RECQL: variants seen among roughly 807,000 people sequenced by gnomAD.
RECQL encodes RecQ like helicase, also known as ATP-dependent DNA helicase Q1.
RECQL carries 73 observed loss-of-function variants against 75.8 expected under a neutral mutation model. That is an observed-to-expected ratio of 0.96 (90% CI 0.80 to 1.17). RECQL has a LOEUF of 1.17. Among genes scored for constraint, RECQL ranks in the 50% most tolerant of loss-of-function variants. The pLI is 0.00. For synonymous variants in RECQL, 248 were observed against 254.4 expected, an observed-to-expected ratio of 0.97 and a Z score of 0.24; for missense variants, 699 against 772.1, an observed-to-expected ratio of 0.91 and a Z score of 1.12.
intron 2 of RECQL, 41 bp downstream of exon 2, chr12:21,499,508 CAGAAAT>C (rs746883679): frequency 6.8e-7 from 1 of 1,475,344 alleles, no homozygotes; most frequent in East Asian, 2.4e-5. Context: ...ATCATACAAA[CAGAAAT>C]AGAACAGAAG....
chr12:21,475,790 T>A lies in RECQL; in HGVS notation c.984A>T (p.Glu328Asp). 6.2e-7 allele frequency: 1 copy of A among 1,613,004 alleles called. No individual in the cohort carries two copies. The highest frequency in any genetic ancestry group is 8.5e-7 in the Non-Finnish European group (1 of 1,179,242). ...GATTCTGCAAACTAACCGTAACTTG[T>A]TCAGAGTCTTTCTGAGAAAAACAAT... Reference protein sequence around the residue: ...IIYCFSQKDSEQVTVSLQNLG... With the variant: ...IIYCFSQKDSDQVTVSLQNLG... Residue 328 changes from glutamate to aspartate, a missense_variant, in exon 9 of 15, where the codon GAA becomes GAT. Coordinates refer to ENST00000444129, the MANE Select transcript of RECQL (RefSeq NM_002907.4).
intron 8 of RECQL, 107 bp downstream of exon 8, chr12:21,476,804 T>C: frequency 1.8e-6 from 1 of 556,446 alleles, no homozygotes; most frequent in East Asian, 3.2e-5. Context: ...CTGCTATACA[T>C]TAATTTTTTT....
At chr12:21,496,171 T>A (rs1943504865) in intron 2 of RECQL, among the ~76,000 whole-genome samples, 1 of 152,242 alleles carries the variant, frequency 6.6e-6, no homozygotes, top group African/African-American at 2.4e-5. Context: ...CGCATTCAAC[T>A]CACCTATGTG....
intron 2 of RECQL, among the ~76,000 whole-genome samples, chr12:21,494,231 A>C (rs1943464069): frequency 6.6e-6 from 1 of 152,072 alleles, no homozygotes; most frequent in Non-Finnish European, 1.5e-5. Flanking sequence ...AGGGCACCAA[A>C]CCATTCATGA....
At chr12:21,471,258 GTTAC>G (rs1409297308) in intron 13 of RECQL, 160 bp from the exon 14 acceptor site, 10 of 988,530 alleles carry the variant, frequency 1.0e-5, no homozygotes, top group Non-Finnish European at 2.8e-6. Context: ...AAATATTTTC[GTTAC>G]TTTTTTTTAT....
chr12:21,483,412 G>A lies in RECQL; in HGVS notation c.664C>T (p.His222Tyr). Reference protein sequence around the residue: ...RFTRIAVDEVHCCSQWGHDFR... With the variant: ...RFTRIAVDEVYCCSQWGHDFR... ...TCATGTCCCCACTGACTACAGCAGT[G>A]AACTTCATCCACAGCAATTCGAGTA... is the stretch of plus-strand genomic sequence containing the variant. Residue 222 changes from histidine to tyrosine, a missense_variant, in exon 6 of 15, where the codon CAC becomes TAC. By Grantham distance (83) the His-to-Tyr change is moderately conservative. Transcript: ENST00000444129. 1 of 1,605,398 alleles carries A rather than the reference G, an allele frequency of 6.2e-7. No individual in the cohort carries two copies. Among genetic ancestry groups the A allele is most frequent in the African/African-American group, 1.3e-5 (1 of 74,364 alleles).
Position 21,474,831 on chromosome 12 carries a change from T to G in RECQL, c.1355+10A>C, listed in dbSNP as rs770134954. 1 of 1,611,148 alleles carries G rather than the reference T, an allele frequency of 6.2e-7. No individual in the cohort carries two copies. The highest frequency in any genetic ancestry group is 1.1e-5 in the South Asian group (1 of 90,888). ...AATTGATAAAAGTTATAAAAAGGTA[T>G]GTGGCTTACTTGCTTATGTTTTGAC... On this transcript the variant is annotated intron_variant, in intron 11 of 14. Transcript: ENST00000444129.
At chr12:21,501,012 C>G (rs1190429881) in intron 1 of RECQL, among the ~76,000 whole-genome samples, 158 bp downstream of exon 1, 4 of 152,140 alleles carry the variant, frequency 2.6e-5, no homozygotes, top group Non-Finnish European at 5.9e-5. Flanking sequence ...GACAGCCAGT[C>G]ATCAATGTTG....
At chr12:21,490,441 T>G (rs1217578894) in intron 3 of RECQL, 63 bp from the exon 4 acceptor site, 8 of 1,092,676 alleles carry the variant, frequency 7.3e-6, no homozygotes, top group Non-Finnish European at 9.5e-6. Flanking sequence ...TTGATAAGAA[T>G]GAGACAAACA....
intron 11 of RECQL, 78 bp from the exon 12 acceptor site, chr12:21,473,720 T>C: frequency 1.7e-6 from 2 of 1,181,770 alleles, no homozygotes; most frequent in Non-Finnish European, 2.4e-6. Flanking sequence ...CTTACATAGT[T>C]ATATACTGTA....
intron 14 of RECQL, 177 bp from the exon 15 acceptor site, chr12:21,470,523 A>G: frequency 1.0e-6 from 1 of 1,002,246 alleles, no homozygotes; most frequent in Non-Finnish European, 1.4e-6. Flanking sequence ...ATTTTGAATA[A>G]AAGGGGCTAC....
intron 5 of RECQL, among the ~76,000 whole-genome samples, chr12:21,485,875 A>G (rs1378993364): frequency 6.6e-6 from 1 of 152,178 alleles, no homozygotes; most frequent in African/African-American, 2.4e-5. Context: ...TTTTTAAAAA[A>G]GAATAGCTGG....
At chr12:21,478,090 C>T (rs1943120960) in intron 6 of RECQL, 121 bp from the exon 7 acceptor site, 1 of 957,910 alleles carries the variant, frequency 1.0e-6, no homozygotes, top group Non-Finnish European at 1.5e-6. Context: ...CCATCTATAG[C>T]AGTAAATTTG....
chr12:21,488,658 G>A (rs1443945319), intron 4 of RECQL, among the ~76,000 whole-genome samples: 1 of 152,218 alleles, frequency 6.6e-6, no homozygotes. Flanking sequence ...ACTTGTCCAA[G>A]CCTAAAATTT....
In RECQL at chr12:21,471,570, T is replaced by A. The variant is rs199925437; in HGVS notation, c.1525A>T (p.Lys509Ter). The change falls in exon 13 of 15, where the codon AAA becomes TAA. Residue 509 changes from lysine (K) to a stop codon, truncating the protein, a stop_gained. Transcript: ENST00000444129. LOFTEE classifies it high-confidence loss of function. ...TCAATCAGTTTCAATGGAGTGAGTTTTTCATTCAGTTCCTCTGCCTGCTTC... is the reference window on the plus strand; with the variant it reads ...TCAATCAGTTTCAATGGAGTGAGTTATTCATTCAGTTCCTCTGCCTGCTTC... Reference protein sequence around the residue: ...ILKQAEELNEKLTPLKLIDSW... With the variant: ...ILKQAEELNE The A allele has an allele frequency of 9.9e-6, 16 of 1,612,700 alleles. No individual in the cohort carries two copies. Among genetic ancestry groups the A allele is most frequent in the Middle Eastern group, 1.6e-4 (1 of 6,072 alleles).
chr12:21,471,262 CTT>C, intron 13 of RECQL, 164 bp from the exon 14 acceptor site: 1 of 989,582 alleles, frequency 1.0e-6, no homozygotes, highest in East Asian at 2.9e-5. Context: ...ATTTTCGTTA[CTT>C]TTTTTTATTT....
chr12:21,477,897 G>C lies in RECQL; in HGVS notation c.773C>G (p.Thr258Arg). ...ASLIGLTATA[T>R]NHVLTDAQKI... ...CTGAGCATCCGTCAAAACGTGATTT[G>C]TTGCAGTTGCAGTCAGCCCAATTAG... The change falls in exon 7 of 15, where the codon ACA (threonine) becomes AGA (arginine). Residue 258 changes from threonine (T) to arginine (R), a missense_variant. This residue lies in a region of RECQL where 669 missense variants were observed against 713.5 expected (regional missense o/e 0.94). Coordinates refer to ENST00000444129, the MANE Select transcript of RECQL (RefSeq NM_002907.4). 6.2e-7 allele frequency: 1 copy of C among 1,613,938 alleles called. No individual in the cohort carries two copies. Among genetic ancestry groups the C allele is most frequent in the South Asian group, 1.1e-5 (1 of 91,038 alleles).
chr12:21,490,212 T>C lies in RECQL; in HGVS notation c.381A>G (p.Ala127=). The C allele has an allele frequency of 1.2e-6, 2 of 1,607,826 alleles. No individual in the cohort carries two copies. Among genetic ancestry groups the C allele is most frequent in the Non-Finnish European group, 1.7e-6 (2 of 1,175,130 alleles). The part of the protein sequence containing the change: ...GGKSLCYQLP[A]LCSDGFTLVI... ...TTTAGTACATACCATCTGAACATAATGCTGGTAACTGGTAACATAAGCTCT... is the reference window on the plus strand; with the variant it reads ...TTTAGTACATACCATCTGAACATAACGCTGGTAACTGGTAACATAAGCTCT... Residue 127 remains alanine, a synonymous_variant, in exon 4 of 15, where the codon GCA becomes GCG. Coordinates refer to ENST00000444129, the MANE Select transcript of RECQL (RefSeq NM_002907.4).
At chr12:21,492,472 C>T (rs1283595354) in intron 2 of RECQL, among the ~76,000 whole-genome samples, 1 of 152,184 alleles carries the variant, frequency 6.6e-6, no homozygotes, top group Non-Finnish European at 1.5e-5. Context: ...GTTTAATGTG[C>T]TTCTTCATGA....
Sources: gnomAD v4.1 joint callset for allele counts (sites outside exome capture counted in the v4.1 genomes callset) on GRCh38, gnomAD v4.1.1 for gene constraint, gnomAD v4.1.1 regional missense constraint, MANE v1.5 for transcripts, NCBI Gene and HGNC (gene_info 2026-07-23, HGNC 2026-07-21) for gene names.